LIN28A: variants seen among roughly 807,000 people sequenced by gnomAD.
LIN28A encodes the protein lin-28 RNA binding posttranscriptional regulator A.
Under a neutral mutation model 21.1 loss-of-function variants are expected in LIN28A, and 11 were observed. The observed-to-expected ratio is 0.52, with a 90% CI of 0.33 to 0.86. LIN28A has a LOEUF of 0.86. Ranked by LOEUF, LIN28A falls within the 40% of genes least tolerant of loss-of-function variation. The pLI is 0.03. For synonymous variants in LIN28A, 111 were observed against 108.7 expected, an observed-to-expected ratio of 1.02 and a Z score of -0.13; for missense variants, 219 against 279.8, an observed-to-expected ratio of 0.78 and a Z score of 1.55.
chr1:26,424,148 C>T (rs1317661622), intron 2 of LIN28A, among the ~76,000 whole-genome samples: 1 of 151,474 alleles, frequency 6.6e-6, no homozygotes, highest in African/African-American at 2.4e-5. Flanking sequence ...CAGTATTCTA[C>T]TTATTTGGTC....
chr1:26,411,389 G>A lies in LIN28A; in HGVS notation c.35G>A (p.Gly12Asp), dbSNP rs750252884. The A allele has an allele frequency of 3.8e-6, 6 of 1,591,342 alleles. No homozygotes were observed. In the South Asian group the frequency reaches 6.8e-5, roughly 18 times the overall value. Residue 12 changes from glycine (G) to aspartate (D), a missense_variant, in exon 2 of 4, where the codon GGC (glycine) becomes GAC (aspartate). Gly to Asp is a moderately conservative substitution (Grantham distance 94, BLOSUM62 -1). Transcript: ENST00000326279. The surrounding 1 kb of genome is among the most constrained non-coding windows in gnomAD (Gnocchi z 5.4). The stretch of plus-strand genomic sequence containing the variant: ...GCCCGGCCCTCCCTCTCTCCAGGTG[G>A]CTGCGCCAAGGCGGCAGAAGAGGCG... ...GSVSNQQFAG[G>D]CAKAAEEAPE...
At chr1:26,413,474 G>A (rs565889533) in intron 2 of LIN28A, among the ~76,000 whole-genome samples, 4 of 152,170 alleles carry the variant, frequency 2.6e-5, no homozygotes, top group Non-Finnish European at 5.9e-5. Flanking sequence ...GGATGGCATA[G>A]AGCAGGCATT....
chr1:26,417,846 C>T (rs2075002733), intron 2 of LIN28A, among the ~76,000 whole-genome samples: 1 of 152,220 alleles, frequency 6.6e-6, no homozygotes, highest in Non-Finnish European at 1.5e-5. Context: ...GAGACCTGCA[C>T]TACAGAATCT....
Position 26,427,672 on chromosome 1 carries a change from T to G in LIN28A, c.*1214T>G, listed in dbSNP as rs2075067819. On this transcript the variant is annotated 3_prime_UTR_variant, in exon 4 of 4. Coordinates refer to ENST00000326279, the MANE Select transcript of LIN28A (RefSeq NM_024674.6). Reference sequence around the variant, plus strand: ...TCACCAGATTAGGTTAGGCCTACCATGTGCCACAGGGTGTGTGTGTGTTTG... The same window carrying G: ...TCACCAGATTAGGTTAGGCCTACCAGGTGCCACAGGGTGTGTGTGTGTTTG... 1 of 152,260 alleles carries G rather than the reference T, an allele frequency of 6.6e-6. No homozygotes were observed. Among genetic ancestry groups the G allele is most frequent in the Non-Finnish European group, 1.5e-5 (1 of 68,064 alleles). 9.4% of individuals were successfully genotyped at this position (152,260 alleles called of 1,614,324 possible).
chr1:26,412,006 G>A (rs1392054969), intron 2 of LIN28A, among the ~76,000 whole-genome samples: 1 of 152,244 alleles, frequency 6.6e-6, no homozygotes, highest in African/African-American at 2.4e-5. Context: ...GAAGGCGGGA[G>A]AGAGTGAGGG....
rs78439714 is a variant in LIN28A at position 26,420,979 on chromosome 1, T to C, written c.229-4324T>C. On this transcript the variant is annotated intron_variant, in intron 2 of 3. Transcript: ENST00000326279. ...CTTTAAATCAGGAACTCTGGGTTCA[T>C]CTGACCCTGGCTTTGCTACAGAACT... 4.7e-3 allele frequency among the ~76,000 whole-genome samples: 715 copies of C among 152,268 alleles called. 7 individuals are homozygous for C. The highest frequency in any genetic ancestry group is 0.016 in the African/African-American group (673 of 41,548).
At chr1:26,419,505 G>GA (rs2075016433) in intron 2 of LIN28A, among the ~76,000 whole-genome samples, 1 of 152,172 alleles carries the variant, frequency 6.6e-6, no homozygotes, top group South Asian at 2.1e-4. Context: ...GGGGCTTAGA[G>GA]AGGGGATATT....
chr1:26,425,297 C>A lies in LIN28A; in HGVS notation c.229-6C>A, dbSNP rs1253380329. 4.3e-6 allele frequency: 7 copies of A among 1,610,158 alleles called. No individual in the cohort carries two copies. The highest frequency in any genetic ancestry group is 5.1e-6 in the Non-Finnish European group (6 of 1,178,812). On this transcript the variant is annotated splice_region_variant and splice_polypyrimidine_tract_variant and intron_variant, in intron 2 of 3. Transcript: ENST00000326279. ...TGTTAAAATTTACTGCATTTCCCTT[C>A]ACCAGAGTAAGCTGCACATGGAAGG...
intron 2 of LIN28A, among the ~76,000 whole-genome samples, chr1:26,422,505 C>G (rs2075033791): frequency 6.6e-6 from 1 of 150,830 alleles, no homozygotes; most frequent in Non-Finnish European, 1.5e-5. Context: ...CTTTTTATGA[C>G]CTTGACATTT....
rs1211377302 is a variant in LIN28A, at chr1:26,410,888, G to A, written c.-4G>A. 5.6e-6 allele frequency: 9 copies of A among 1,610,620 alleles called. No individual in the cohort carries two copies. Among genetic ancestry groups the A allele is most frequent in the Non-Finnish European group, 8.5e-7 (1 of 1,179,098 alleles). On this transcript the variant is annotated 5_prime_UTR_variant, in exon 1 of 4. Transcript: ENST00000326279. ...GCCCGGGGCCACGGGCTCAGCCGACGACCATGGGCTCCGTGTCCAACCAGC... is the reference window on the plus strand; with the variant it reads ...GCCCGGGGCCACGGGCTCAGCCGACAACCATGGGCTCCGTGTCCAACCAGC...
At position 26,410,995 on chromosome 1, in the gene LIN28A, G is replaced by A. The variant is rs964302161; in HGVS notation, c.31+73G>A. Reference sequence around the variant, plus strand: ...CAGGAGCCACGTAGAAGGGAGGTGGGGAACTGAGTCCTAGGCTGCCCAAAG... The same window carrying A: ...CAGGAGCCACGTAGAAGGGAGGTGGAGAACTGAGTCCTAGGCTGCCCAAAG... On this transcript the variant is annotated intron_variant, in intron 1 of 3. Coordinates refer to ENST00000326279, the MANE Select transcript of LIN28A (RefSeq NM_024674.6). 17 of 1,561,390 alleles carry A rather than the reference G, an allele frequency of 1.1e-5. No individual in the cohort carries two copies. The African/African-American group carries it at 2.2e-4, about 20-fold the overall frequency.
chr1:26,414,018 G>A (rs1349576574), intron 2 of LIN28A, among the ~76,000 whole-genome samples: 7 of 151,730 alleles, frequency 4.6e-5, no homozygotes, highest in South Asian at 4.2e-4. Context: ...TAGTAAAGAC[G>A]GGGTTTCTGC....
intron 2 of LIN28A, among the ~76,000 whole-genome samples, chr1:26,417,150 C>T (rs761786359): frequency 3.2e-4 from 49 of 152,200 alleles, no homozygotes; most frequent in Non-Finnish European, 5.7e-4. Flanking sequence ...TAGCGGGCCA[C>T]TCAGTACCTC....
chr1:26,426,250 A>G lies in LIN28A; in HGVS notation c.422A>G (p.Asn141Ser). 8.7e-6 allele frequency: 14 copies of G among 1,613,984 alleles called. No individual in the cohort carries two copies. The highest frequency in any genetic ancestry group is 1.2e-5 in the Non-Finnish European group (14 of 1,179,896). Residue 141 changes from asparagine (N) to serine (S), a missense_variant, in exon 4 of 4, where the codon AAC becomes AGC. By Grantham distance (46) the Asn-to-Ser change is conservative (BLOSUM62 1). Transcript: ENST00000326279. ...KRRSKGDRCY[N>S]CGGLDHHAKE... is the part of the protein sequence containing the mutation. The stretch of plus-strand genomic sequence containing the variant: ...ATCTTGCTTTGTACTAGGTGCTACA[A>G]CTGTGGAGGTCTAGATCATCATGCC...
In LIN28A at chr1:26,426,787, G is replaced by A. The variant is rs981095683; in HGVS notation, c.*329G>A. On this transcript the variant is annotated 3_prime_UTR_variant, in exon 4 of 4. Transcript: ENST00000326279. ...ATAGGGAAGTTGTTTTCCTTTTAAAGAAGGATATATAATAATTCCCATGCC... is the reference window on the plus strand; with the variant it reads ...ATAGGGAAGTTGTTTTCCTTTTAAAAAAGGATATATAATAATTCCCATGCC... 2 of 301,020 alleles carry A rather than the reference G, an allele frequency of 6.6e-6. No individual in the cohort carries two copies. Among genetic ancestry groups the A allele is most frequent in the Non-Finnish European group, 6.4e-6 (1 of 155,684 alleles). 18.6% of individuals were successfully genotyped at this position (301,020 alleles called of 1,614,324 possible).
In LIN28A at chr1:26,425,446, A is replaced by G; in HGVS notation, c.372A>G (p.Pro124=). Reference sequence around the variant, plus strand: ...TCTGTATTGGGAGTGAGAGGCGGCCAAAAGGAAAGAGCATGCAGAAGCGCA... The same window carrying G: ...TCTGTATTGGGAGTGAGAGGCGGCCGAAAGGAAAGAGCATGCAGAAGCGCA... ...GVFCIGSERR[P]KGKSMQKRRS... is the part of the protein sequence containing the mutation. Residue 124 remains proline (P), a synonymous_variant, in exon 3 of 4, where the codon CCA becomes CCG. Transcript: ENST00000326279. 1.2e-6 allele frequency: 2 copies of G among 1,614,100 alleles called. No individual in the cohort carries two copies. The highest frequency in any genetic ancestry group is 1.1e-5 in the South Asian group (1 of 91,082).
At position 26,426,695 on chromosome 1, in the gene LIN28A, A is replaced by T. The variant is rs187722297; in HGVS notation, c.*237A>T. 7.1e-3 allele frequency: 3,580 copies of T among 502,684 alleles called. 38 individuals are homozygous for T. The highest frequency in any genetic ancestry group is 0.022 in the South Asian group (1,028 of 46,798). The allele number at this position is 502,684 out of a possible 1,614,324, so 31.1% of individuals were successfully genotyped here. A position where few individuals can be genotyped will look rare whatever the true frequency, so the allele number is the denominator to read the frequency against. On this transcript the variant is annotated 3_prime_UTR_variant, in exon 4 of 4. Transcript: ENST00000326279. ...TTCTGGGGGCAACCAGGAGGGGGGA[A>T]TCACCCTACAACCTGCATACTTTGA...
At chr1:26,414,852 C>T (rs1359552376) in intron 2 of LIN28A, among the ~76,000 whole-genome samples, 1 of 152,130 alleles carries the variant, frequency 6.6e-6, no homozygotes, top group African/African-American at 2.4e-5. Context: ...CAAATGTCCC[C>T]TTGGAGTCAA....
intron 2 of LIN28A, among the ~76,000 whole-genome samples, chr1:26,419,929 C>T (rs1244647698): frequency 2.6e-5 from 4 of 152,054 alleles, no homozygotes; most frequent in Non-Finnish European, 4.4e-5. Flanking sequence ...CTTGTCCCAC[C>T]CCGCTCAATA....
Sources: gnomAD v4.1 joint callset for allele counts (sites outside exome capture counted in the v4.1 genomes callset) on GRCh38, gnomAD v4.1.1 for gene constraint, Gnocchi (gnomAD v3.1) non-coding constraint, MANE v1.5 for transcripts, NCBI Gene and HGNC (gene_info 2026-07-23, HGNC 2026-07-21) for gene names.